The following CSMD1 variants were observed in gnomAD, a reference collection of about 807,000 sequenced individuals.
CSMD1 encodes CUB and sushi domain-containing protein 1.
CSMD1 carries 213 observed loss-of-function variants against 417.5 expected under a neutral mutation model. The ratio of observed to expected loss-of-function variants is 0.51; its 90% CI spans 0.46 to 0.57. CSMD1 has a LOEUF of 0.57. Ranked by LOEUF, CSMD1 falls within the 20% of genes least tolerant of loss-of-function variation. The pLI, the probability that CSMD1 is intolerant of heterozygous loss-of-function variation, is 0.00. For synonymous variants in CSMD1, 2,862 were observed against 1,736.8 expected (o/e 1.65, Z -16.11); for missense variants, 6,923 against 4,529.7 (o/e 1.53, Z -15.17).
At chr8:4,290,642 A>T (rs1019996256) in intron 3 of CSMD1, among the ~76,000 whole-genome samples, 17 of 152,218 alleles carry the variant, frequency 1.1e-4, no homozygotes, top group Non-Finnish European at 2.4e-4. Flanking sequence ...TCCTTGTGAG[A>T]AGTATATTCA....
At chr8:3,862,035 A>C (rs116473883) in intron 5 of CSMD1, among the ~76,000 whole-genome samples, 5,739 of 152,240 alleles carry the variant, frequency 0.038, 110 homozygotes, top group Middle Eastern at 0.068. Context: ...TGCCCCAACC[A>C]TTGCTTGCTA....
intron 34 of CSMD1, among the ~76,000 whole-genome samples, 198 bp downstream of exon 34, chr8:3,189,714 T>G (rs552674219): frequency 7.8e-6 from 1 of 128,956 alleles, no homozygotes; most frequent in South Asian, 2.2e-4. Context: ...TTATCCTTGT[T>G]AAGATGATGA....
intron 12 of CSMD1, among the ~76,000 whole-genome samples, chr8:3,417,081 T>A (rs1339280398): frequency 2.6e-5 from 4 of 152,230 alleles, no homozygotes; most frequent in African/African-American, 9.6e-5. Flanking sequence ...CGGTTGTGCT[T>A]GCATTACCAA....
At chr8:4,442,250 A>C (rs1210843732) in intron 2 of CSMD1, among the ~76,000 whole-genome samples, 3 of 152,210 alleles carry the variant, frequency 2.0e-5, no homozygotes, top group Non-Finnish European at 4.4e-5. Context: ...CTGTTTATTA[A>C]TCTTTAAAAT....
chr8:3,816,097 C>T (rs1801351753), intron 5 of CSMD1, among the ~76,000 whole-genome samples: 1 of 152,146 alleles, frequency 6.6e-6, no homozygotes, highest in African/African-American at 2.4e-5. Flanking sequence ...CTGCCTTCAC[C>T]TTTAGGTCTC....
intron 3 of CSMD1, among the ~76,000 whole-genome samples, chr8:4,100,899 A>G (rs1801270335): frequency 1.3e-5 from 2 of 152,240 alleles, no homozygotes; most frequent in Non-Finnish European, 2.9e-5. Context: ...CAAGAAATAA[A>G]GAACAGAAAG....
At chr8:4,032,139 A>ACTTTTTT (rs1346758280) in intron 3 of CSMD1, 40 bp from the exon 4 acceptor site, 1 of 1,511,510 alleles carries the variant, frequency 6.6e-7, no homozygotes, top group East Asian at 2.3e-5. Flanking sequence ...AACAAGTTAA[A>ACTTTTTT]TTTTCCATGG....
At chr8:3,587,261 G>T (rs530008265) in intron 8 of CSMD1, among the ~76,000 whole-genome samples, 3 of 152,238 alleles carry the variant, frequency 2.0e-5, no homozygotes, top group Non-Finnish European at 4.4e-5. Flanking sequence ...GTGAGAGGCA[G>T]AGATCAGGTT....
At chr8:3,827,163 T>A (rs552386284) in intron 5 of CSMD1, among the ~76,000 whole-genome samples, 2 of 152,290 alleles carry the variant, frequency 1.3e-5, no homozygotes, top group East Asian at 3.9e-4. Flanking sequence ...AGAACCTTAA[T>A]GTACTTATGT....
At chr8:4,788,036 C>T (rs1027649263) in intron 1 of CSMD1, 6 of 1,591,090 alleles carry the variant, frequency 3.8e-6, no homozygotes, top group Non-Finnish European at 5.1e-6. Context: ...CTGAAGGGCT[C>T]CAAATGGTAA....
chr8:3,387,831 G>T (rs934202622), intron 17 of CSMD1, 149 bp from the exon 18 acceptor site: 6 of 634,506 alleles, frequency 9.5e-6, no homozygotes, highest in African/African-American at 9.2e-5. Flanking sequence ...GGACATAAAA[G>T]CCAATGCATC....
At chr8:4,451,428 A>G (rs552604050) in intron 2 of CSMD1, among the ~76,000 whole-genome samples, 1 of 152,308 alleles carries the variant, frequency 6.6e-6, no homozygotes, top group African/African-American at 2.4e-5. Context: ...CCACACTGAA[A>G]AAGTGGTCAG....
chr8:4,104,437 T>TCC (rs1801463577), intron 3 of CSMD1, among the ~76,000 whole-genome samples: 3 of 137,950 alleles, frequency 2.2e-5, no homozygotes, highest in Non-Finnish European at 4.7e-5. Flanking sequence ...CGCACACGCA[T>TCC]GCACACACAC....
At chr8:4,211,339 T>A (rs563468217) in intron 3 of CSMD1, among the ~76,000 whole-genome samples, 3 of 152,242 alleles carry the variant, frequency 2.0e-5, no homozygotes, top group African/African-American at 7.2e-5. Context: ...TTAAATTTCT[T>A]TACATTTCTT....
intron 1 of CSMD1, among the ~76,000 whole-genome samples, chr8:4,727,160 A>G (rs934257312): frequency 6.6e-6 from 1 of 152,048 alleles, no homozygotes. Flanking sequence ...CTCTCAATCC[A>G]CCGTAGGCCA....
intron 1 of CSMD1, among the ~76,000 whole-genome samples, chr8:4,991,977 C>T (rs535915954): frequency 6.6e-6 from 1 of 152,294 alleles, no homozygotes; most frequent in East Asian, 1.9e-4. Context: ...GCGTCCTGGA[C>T]CCCCTCCGCG....
chr8:3,551,477 CATA>C, intron 10 of CSMD1, among the ~76,000 whole-genome samples: 1 of 151,852 alleles, frequency 6.6e-6, no homozygotes, highest in East Asian at 1.9e-4. Flanking sequence ...TTACCAAATA[CATA>C]ACTTTTATTG....
chr8:4,088,802 A>T (rs1486303399), intron 3 of CSMD1, among the ~76,000 whole-genome samples: 4 of 151,890 alleles, frequency 2.6e-5, no homozygotes, highest in Admixed American at 2.6e-4. Context: ...AAACACATTG[A>T]TCCCTCAGCA....
chr8:4,512,280 G>A lies in CSMD1; in HGVS notation c.303-92215C>T, dbSNP rs73660888. On this transcript the variant is annotated intron_variant, in intron 2 of 69. Coordinates refer to ENST00000635120, the MANE Select transcript of CSMD1 (RefSeq NM_033225.6). ...ATCCTCAGTAAACCAGAACAAGAGG[G>A]AAACCTTCTCAATCTGGTAAAGAAT... is the stretch of plus-strand genomic sequence containing the variant. Among the ~76,000 whole-genome samples, 375 of 152,186 alleles carry A rather than the reference G, an allele frequency of 2.5e-3. 4 individuals carry two copies. Among genetic ancestry groups the A allele is most frequent in the African/African-American group, 8.6e-3 (356 of 41,538 alleles).
Sources: gnomAD v4.1 joint callset for allele counts (sites outside exome capture counted in the v4.1 genomes callset) on GRCh38, gnomAD v4.1.1 for gene constraint, MANE v1.5 for transcripts, NCBI Gene and HGNC (gene_info 2026-07-23, HGNC 2026-07-21) for gene names.